CHM: variants seen among roughly 807,000 people sequenced by gnomAD.
CHM encodes the protein rab proteins geranylgeranyltransferase component A 1.
CHM carries 10 observed loss-of-function variants against 49.0 expected under a neutral mutation model. That is an observed-to-expected ratio of 0.20 (90% CI 0.13 to 0.35). The LOEUF (loss-of-function observed/expected upper bound fraction) is 0.35. Ranked by LOEUF, CHM falls within the 10% of genes least tolerant of loss-of-function variation. The probability of loss-of-function intolerance (pLI) is 1.00; values close to 1 mark genes in which losing one functional copy is unlikely to be tolerated. For synonymous variants in CHM, 184 were observed against 167.5 expected, an observed-to-expected ratio of 1.10 and a Z score of -0.76; for missense variants, 455 against 478.4, an observed-to-expected ratio of 0.95 and a Z score of 0.46.
chrX:85,948,796 C>T (rs1033604624), intron 8 of CHM, among the ~76,000 whole-genome samples: 2 of 111,383 alleles, frequency 1.8e-5, no homozygotes, highest in Admixed American at 1.9e-4. Context: ...AAAGTGTAGG[C>T]TATGATGTAT....
chrX:85,979,862 C>T (rs771838051), intron 3 of CHM, among the ~76,000 whole-genome samples: 1 of 111,644 alleles, frequency 9.0e-6, no homozygotes, highest in African/African-American at 3.2e-5. Context: ...AAAGTAGTGA[C>T]ATACAGCTCT....
At chrX:86,027,286 A>G (rs1933866142) in intron 2 of CHM, 3 of 337,941 alleles carry the variant, frequency 8.9e-6, no homozygotes, top group Non-Finnish European at 1.6e-5. Context: ...AAAGATCACT[A>G]TTTCACAAAA....
At chrX:85,985,017 T>G in intron 2 of CHM, among the ~76,000 whole-genome samples, 1 of 111,312 alleles carries the variant, frequency 9.0e-6, no homozygotes, top group East Asian at 2.8e-4. Context: ...TACATACCCC[T>G]AGGAAAGGGG....
chrX:85,936,363 T>G (rs934419758), intron 8 of CHM, among the ~76,000 whole-genome samples: 3 of 111,816 alleles, frequency 2.7e-5, no homozygotes, highest in African/African-American at 9.7e-5. Context: ...TGGGATAAAA[T>G]TCAACACTCT....
chrX:85,941,713 C>T lies in CHM; in HGVS notation c.1166+14440G>A, dbSNP rs771844482. ...ACAAAAGGTTTCAATGGAGACCACG[C>T]GGCCTGCAATACCTAAACTATGTAC... On this transcript the variant is annotated intron_variant, in intron 8 of 14. Transcript: ENST00000357749. 2.0e-4 allele frequency among the ~76,000 whole-genome samples: 22 copies of T among 110,854 alleles called. No homozygotes were observed. In the East Asian group the frequency reaches 2.5e-3, roughly 13 times the overall value.
intron 2 of CHM, among the ~76,000 whole-genome samples, chrX:85,983,469 C>T (rs1354576395): frequency 9.0e-6 from 1 of 111,091 alleles, no homozygotes; most frequent in Non-Finnish European, 1.9e-5. Context: ...GCAATTTATA[C>T]TTCCATCCCT....
chrX:86,019,806 GA>G, intron 2 of CHM: 1 of 113,497 alleles, frequency 8.8e-6, no homozygotes, highest in Non-Finnish European at 1.9e-5. Flanking sequence ...TAGAAATGGG[GA>G]AAAGGCCAAA....
At chrX:85,960,289 A>T (rs1930227078) in intron 5 of CHM, among the ~76,000 whole-genome samples, 1 of 111,989 alleles carries the variant, frequency 8.9e-6, no homozygotes, top group Non-Finnish European at 1.9e-5. Context: ...ATAAACCTTA[A>T]GGTTTAATGC....
At position 85,943,256 on chromosome X, in the gene CHM, A is replaced by C. The variant is rs1186550113; in HGVS notation, c.1166+12897T>G. Among the ~76,000 whole-genome samples, 3 of 110,731 alleles carry C rather than the reference A, an allele frequency of 2.7e-5. No homozygotes were observed. In the Admixed American group the frequency reaches 2.9e-4, roughly 11 times the overall value. ...TCAAACAAATTTACAAGAAAAAAAC[A>C]ACCCCATCAAAAAGTGGGCAAAGGA... is the stretch of plus-strand genomic sequence containing the variant. On this transcript the variant is annotated intron_variant, in intron 8 of 14. Coordinates refer to ENST00000357749, the MANE Select transcript of CHM (RefSeq NM_000390.4).
intron 8 of CHM, among the ~76,000 whole-genome samples, chrX:85,954,229 T>G (rs1200661705): frequency 8.9e-6 from 1 of 112,082 alleles, no homozygotes; most frequent in African/African-American, 3.2e-5. Flanking sequence ...ATGAGATATT[T>G]TATTACCCCA....
intron 12 of CHM, among the ~76,000 whole-genome samples, chrX:85,890,385 T>C (rs1235437262): frequency 8.9e-6 from 1 of 111,813 alleles, no homozygotes; most frequent in African/African-American, 3.3e-5. Flanking sequence ...AATCACTATA[T>C]GATATGGTTT....
Position 85,876,426 on chromosome X carries a change from AGG to A in CHM, c.1609+2537_1609+2538del, listed in dbSNP as rs772452863. ...CTAAAAGCCATCAATCTGTGAAAAT[AGG>A]GGCTTCTCCTACAGAGAAGAATGTG... is the stretch of plus-strand genomic sequence containing the variant. On this transcript the variant is annotated intron_variant, in intron 13 of 14. Transcript: ENST00000357749. Among the ~76,000 whole-genome samples, 32 of 112,099 alleles carry A rather than the reference AGG, an allele frequency of 2.9e-4. No individual in the cohort carries two copies. In the East Asian group the frequency reaches 8.7e-3, roughly 30 times the overall value.
intron 13 of CHM, among the ~76,000 whole-genome samples, chrX:85,878,579 T>C (rs925240516): frequency 8.1e-5 from 9 of 111,749 alleles, no homozygotes; most frequent in African/African-American, 1.6e-4. Flanking sequence ...GGAAGATACA[T>C]TTCTCTGATA....
In CHM at chrX:85,923,334, C is replaced by T. The variant is rs1243821481; in HGVS notation, c.1167-11996G>A. ...AACGCTTTTGTTAGCTATCATCTTC[C>T]GTAGCAAAGGAGATAATAATTACAG... On this transcript the variant is annotated intron_variant, in intron 8 of 14. Transcript: ENST00000357749. Among the ~76,000 whole-genome samples the T allele has an allele frequency of 3.6e-5, 4 of 112,231 alleles. No homozygotes were observed. In the Admixed American group the frequency reaches 3.8e-4, roughly 11 times the overall value.
chrX:86,038,920 C>T (rs1169115584), intron 1 of CHM, among the ~76,000 whole-genome samples: 1 of 112,475 alleles, frequency 8.9e-6, no homozygotes, highest in African/African-American at 3.2e-5. Flanking sequence ...CATCTTGATA[C>T]TATGAGCTAT....
chrX:86,008,888 T>C (rs1449534551), intron 2 of CHM, among the ~76,000 whole-genome samples: 4 of 112,533 alleles, frequency 3.6e-5, no homozygotes, highest in Non-Finnish European at 7.5e-5. Flanking sequence ...ATAGTCCTTA[T>C]TGTACTATTT....
intron 11 of CHM, among the ~76,000 whole-genome samples, chrX:85,899,402 G>A (rs775399054): frequency 9.0e-6 from 1 of 111,087 alleles, no homozygotes; most frequent in Non-Finnish European, 1.9e-5. Flanking sequence ...TTTCCTACCA[G>A]ATTTTTAAAT....
chrX:85,885,272 T>A (rs773735353), intron 12 of CHM, among the ~76,000 whole-genome samples: 21 of 109,687 alleles, frequency 1.9e-4, no homozygotes, highest in Non-Finnish European at 3.6e-4. Context: ...GATTTATCTA[T>A]GTGGGGAAAA....
At position 85,862,689 on chromosome X, in the gene CHM, TA is replaced by T. The variant is rs1923426769; in HGVS notation, c.*1940del. The T allele has an allele frequency of 8.9e-6, 1 of 111,745 alleles. No individual in the cohort carries two copies. Among genetic ancestry groups the T allele is most frequent in the African/African-American group, 3.3e-5 (1 of 30,708 alleles). 9.2% of individuals were successfully genotyped at this position (111,745 alleles called of 1,213,427 possible). On this transcript the variant is annotated 3_prime_UTR_variant, in exon 15 of 15. Transcript: ENST00000357749. ...GGATAGGAGCAGCCTGAGAGGCTAGTAAGTTAAGTTCTTCCATTACTCTGGC... is the reference window on the plus strand; with the variant it reads ...GGATAGGAGCAGCCTGAGAGGCTAGTAGTTAAGTTCTTCCATTACTCTGGC...
Sources: allele counts gnomAD v4.1 joint callset (sites outside exome capture counted in the v4.1 genomes callset), GRCh38; gene constraint gnomAD v4.1.1; transcripts MANE v1.5; gene names NCBI Gene and HGNC (gene_info 2026-07-23, HGNC 2026-07-21).